Variants in SMARCA2 observed in about 807,000 individuals in gnomAD.
SMARCA2 encodes SWI/SNF related BAF chromatin remodeling complex subunit ATPase 2.
A neutral mutation model predicts 199.8 loss-of-function variants in SMARCA2; 61 were observed. The ratio of observed to expected loss-of-function variants is 0.31; its 90% CI spans 0.25 to 0.38. SMARCA2 has a LOEUF of 0.38. Ranked by LOEUF, SMARCA2 falls within the 10% of genes least tolerant of loss-of-function variation. The pLI, the probability that SMARCA2 is intolerant of heterozygous loss-of-function variation, is 1.00. For missense variants in SMARCA2, 1,344 were observed against 2,012.2 expected, an observed-to-expected ratio of 0.67 and a Z score of 6.35; for synonymous variants, 935 against 732.0, an observed-to-expected ratio of 1.28 and a Z score of -4.48.
chr9:2,141,969 C>G (rs3793501), intron 27 of SMARCA2, among the ~76,000 whole-genome samples: 109,686 of 151,996 alleles, frequency 0.72, 39,896 homozygotes, highest in East Asian at 0.82. Flanking sequence ...CTCCTGGGGG[C>G]AGGTGATGAG....
rs1463993645 is a variant in SMARCA2 at position 2,056,296 on chromosome 9, G to C, written c.1174-376G>C. Among the ~76,000 whole-genome samples, 1 of 152,100 alleles carries C rather than the reference G, an allele frequency of 6.6e-6. No homozygotes were observed. The highest frequency in any genetic ancestry group is 1.5e-5 in the Non-Finnish European group (1 of 68,010). ...TAAAATTAATCTTTAAACACAAAGA[G>C]AATGTTAACATGACACTTAAAACAA... On this transcript the variant is annotated intron_variant, in intron 6 of 33. Coordinates refer to ENST00000349721, the MANE Select transcript of SMARCA2 (RefSeq NM_003070.5). The surrounding 1 kb of genome is among the most constrained non-coding windows in gnomAD (Gnocchi z 4.0).
chr9:2,131,434 G>C (rs1420067228), intron 27 of SMARCA2, among the ~76,000 whole-genome samples: 2 of 152,204 alleles, frequency 1.3e-5, no homozygotes, highest in African/African-American at 2.4e-5. Context: ...CTACGGAAAT[G>C]ATGGTGATGA....
In SMARCA2 at chr9:2,087,188, T is replaced by C. The variant is rs986904354; in HGVS notation, c.2769+117T>C. 8 of 1,286,954 alleles carry C rather than the reference T, an allele frequency of 6.2e-6. No individual in the cohort carries two copies. The South Asian group carries it at 1.1e-4, about 18-fold the overall frequency. 79.7% of individuals were successfully genotyped at this position (1,286,954 alleles called of 1,614,324 possible). On this transcript the variant is annotated intron_variant, in intron 18 of 33. Coordinates refer to ENST00000349721, the MANE Select transcript of SMARCA2 (RefSeq NM_003070.5). ...GCAGGGTGGTTTCCACTGTTGTTTA[T>C]TTTATGAAACCCATCGGTGGGTGGA...
rs888295519 is a variant in SMARCA2 at position 2,169,438 on chromosome 9, C to T, written c.4200-981C>T. Among the ~76,000 whole-genome samples, 3 of 152,148 alleles carry T rather than the reference C, an allele frequency of 2.0e-5. No individual in the cohort carries two copies. The highest frequency in any genetic ancestry group is 4.4e-5 in the Non-Finnish European group (3 of 68,036). On this transcript the variant is annotated intron_variant, in intron 28 of 33. Transcript: ENST00000349721. This position sits in a 1 kb window ranked among gnomAD's most constrained non-coding sequence, Gnocchi z 6.5. Reference sequence around the variant, plus strand: ...CCCAACTTTTTTTTTCCAACGCACCCCTCCCAGCTCTCCTTATATTTCAGA... The same window carrying T: ...CCCAACTTTTTTTTTCCAACGCACCTCTCCCAGCTCTCCTTATATTTCAGA...
chr9:2,034,242 C>CAAAAAAA (rs759792374), intron 3 of SMARCA2, among the ~76,000 whole-genome samples: 2 of 64,132 alleles, frequency 3.1e-5, no homozygotes, highest in Non-Finnish European at 6.5e-5. Context: ...GACTGCGTCT[C>CAAAAAAA]AAAAAAAAAA....
chr9:2,020,478 A>G (rs1563710024), intron 1 of SMARCA2, among the ~76,000 whole-genome samples: 2 of 152,184 alleles, frequency 1.3e-5, no homozygotes, highest in South Asian at 4.1e-4. Flanking sequence ...TTTTTTCTAT[A>G]TAGAAACTTA....
intron 9 of SMARCA2, among the ~76,000 whole-genome samples, chr9:2,062,853 G>C (rs1170186537): frequency 1.3e-5 from 2 of 152,160 alleles, no homozygotes; most frequent in Non-Finnish European, 2.9e-5. Flanking sequence ...AGAGAGGCTA[G>C]ACAGATATTA....
chr9:2,188,444 CTTTTA>C (rs1827645132), intron 32 of SMARCA2, among the ~76,000 whole-genome samples: 1 of 152,058 alleles, frequency 6.6e-6, no homozygotes, highest in Non-Finnish European at 1.5e-5. Context: ...GTGATTCTGC[CTTTTA>C]TTTGTTATGA....
At chr9:2,165,949 A>T (rs1825912400) in intron 28 of SMARCA2, among the ~76,000 whole-genome samples, 2 of 152,190 alleles carry the variant, frequency 1.3e-5, no homozygotes, top group Non-Finnish European at 2.9e-5. Flanking sequence ...ATCCACCTCC[A>T]TGTGGACACT....
chr9:2,086,546 C>T lies in SMARCA2; in HGVS notation c.2527-283C>T, dbSNP rs74761698. 2.6e-3 allele frequency among the ~76,000 whole-genome samples: 403 copies of T among 152,328 alleles called. 1 individual carries two copies. Among genetic ancestry groups the T allele is most frequent in the Non-Finnish European group, 4.2e-3 (283 of 68,026 alleles). The stretch of plus-strand genomic sequence containing the variant: ...GAGAGGCAGGATCCACACGTGGAAA[C>T]AACCATGTCATTCTGGACCCAAATT... On this transcript the variant is annotated intron_variant, in intron 17 of 33. Coordinates refer to ENST00000349721, the MANE Select transcript of SMARCA2 (RefSeq NM_003070.5). The surrounding 1 kb of genome is among the most constrained non-coding windows in gnomAD (Gnocchi z 4.3).
At chr9:2,164,680 G>C (rs181272640) in intron 28 of SMARCA2, among the ~76,000 whole-genome samples, 62 of 152,354 alleles carry the variant, frequency 4.1e-4, no homozygotes, top group African/African-American at 1.4e-3. Context: ...TGCCGTTTCA[G>C]TGGTACTGTT....
intron 27 of SMARCA2, among the ~76,000 whole-genome samples, chr9:2,134,640 G>A (rs1824116069): frequency 6.6e-6 from 1 of 152,180 alleles, no homozygotes; most frequent in Admixed American, 6.5e-5. Context: ...TCTTGGACAG[G>A]TCTCCTGACC....
At chr9:2,030,424 G>A (rs551192963) in intron 2 of SMARCA2, among the ~76,000 whole-genome samples, 1 of 152,000 alleles carries the variant, frequency 6.6e-6, no homozygotes, top group Non-Finnish European at 1.5e-5. Context: ...CTGATGATGT[G>A]AGTTCCAGTC....
intron 27 of SMARCA2, among the ~76,000 whole-genome samples, chr9:2,156,290 T>G (rs1825354186): frequency 6.6e-6 from 1 of 152,136 alleles, no homozygotes; most frequent in South Asian, 2.1e-4. Context: ...GGTAAGAACA[T>G]GTATGAACCT....
chr9:2,102,517 T>C (rs1822565239), intron 22 of SMARCA2, among the ~76,000 whole-genome samples: 2 of 152,222 alleles, frequency 1.3e-5, no homozygotes, highest in Admixed American at 1.3e-4. Flanking sequence ...TTCAGTACTA[T>C]AGATTACATG....
At chr9:2,145,304 CAAA>C (rs56314428) in intron 27 of SMARCA2, among the ~76,000 whole-genome samples, 2,584 of 131,358 alleles carry the variant, frequency 0.02, 6 homozygotes, top group Non-Finnish European at 0.035. Context: ...ACTCTTGTCT[CAAA>C]AAAAAAAAAA....
intron 29 of SMARCA2, among the ~76,000 whole-genome samples, chr9:2,175,694 A>T (rs1826533963): frequency 6.6e-6 from 1 of 152,196 alleles, no homozygotes; most frequent in Non-Finnish European, 1.5e-5. Flanking sequence ...TTATGGATAA[A>T]ATGGTTCTAA....
At chr9:2,182,934 G>T (rs1053549014) in intron 31 of SMARCA2, among the ~76,000 whole-genome samples, 2 of 151,966 alleles carry the variant, frequency 1.3e-5, no homozygotes, top group Non-Finnish European at 2.9e-5. Flanking sequence ...GGGATTACAG[G>T]CATGCGCCAC....
chr9:2,160,710 C>A, intron 27 of SMARCA2: 1 of 607,770 alleles, frequency 1.6e-6, no homozygotes, highest in African/African-American at 1.8e-5. Flanking sequence ...GCAGGAGGAA[C>A]AAATAACAAC....
Sources: gnomAD v4.1 joint callset for allele counts (sites outside exome capture counted in the v4.1 genomes callset) on GRCh38, gnomAD v4.1.1 for gene constraint, Gnocchi (gnomAD v3.1) non-coding constraint, MANE v1.5 for transcripts, NCBI Gene and HGNC (gene_info 2026-07-23, HGNC 2026-07-21) for gene names.